Variants in NBAS observed in about 807,000 individuals in gnomAD.
NBAS encodes NAG/BC035112 fusion.
A neutral mutation model predicts 302.5 loss-of-function variants in NBAS; 219 were observed. The ratio of observed to expected loss-of-function variants is 0.72; its 90% CI spans 0.65 to 0.81. NBAS has a LOEUF of 0.81. NBAS is among the 30% of genes least tolerant of loss of function. The pLI, the probability that NBAS is intolerant of heterozygous loss-of-function variation, is 0.00. For synonymous variants in NBAS, 1,118 were observed against 1,021.6 expected (o/e 1.09, Z -1.80); for missense variants, 2,932 against 2,841.6 (o/e 1.03, Z -0.72).
At chr2:15,544,980 CAGCCTAGGTGAT>C (rs1324453566) in intron 6 of NBAS, among the ~76,000 whole-genome samples, 1 of 151,214 alleles carries the variant, frequency 6.6e-6, no homozygotes, top group East Asian at 1.9e-4. Context: ...CACTGCACTC[CAGCCTAGGTGAT>C]AGAGCAAGAC....
intron 44 of NBAS, among the ~76,000 whole-genome samples, chr2:15,274,548 T>C (rs1669481114): frequency 6.6e-6 from 1 of 151,848 alleles, no homozygotes. Flanking sequence ...AAAATGTCCA[T>C]TTGTTTAGCA....
chr2:15,501,176 C>T (rs918970075), intron 11 of NBAS, among the ~76,000 whole-genome samples: 13 of 151,696 alleles, frequency 8.6e-5, no homozygotes, highest in African/African-American at 2.9e-4. Flanking sequence ...TGGCGGGTGC[C>T]TGTAGTCCCA....
chr2:14,937,738 C>T, the NBAS span, among the ~76,000 whole-genome samples: 1 of 152,154 alleles, frequency 6.6e-6, no homozygotes, highest in Non-Finnish European at 1.5e-5. Flanking sequence ...GGCTCCGAGG[C>T]TTCTTGGAAA....
the NBAS span, among the ~76,000 whole-genome samples, chr2:15,156,033 A>G: frequency 6.6e-6 from 1 of 152,208 alleles, no homozygotes. Context: ...GGTGGGTTTC[A>G]TTCGGAATCT....
chr2:14,780,104 T>A, the NBAS span, among the ~76,000 whole-genome samples: 1 of 152,154 alleles, frequency 6.6e-6, no homozygotes. Flanking sequence ...TTTTTCATAC[T>A]CAGACTAGTG....
At chr2:15,196,799 G>A (rs1334197264) in intron 48 of NBAS, among the ~76,000 whole-genome samples, 1 of 151,850 alleles carries the variant, frequency 6.6e-6, no homozygotes, top group African/African-American at 2.4e-5. Context: ...GGTTTAACAT[G>A]CATTGTTTTC....
the NBAS span, among the ~76,000 whole-genome samples, chr2:15,038,461 G>A: frequency 2.0e-5 from 3 of 152,216 alleles, no homozygotes; most frequent in East Asian, 5.8e-4. Flanking sequence ...TATTAGATAA[G>A]AACCAAACAT....
chr2:15,554,039 A>G lies in NBAS; in HGVS notation c.287+22T>C, dbSNP rs573581006. On this transcript the variant is annotated intron_variant, in intron 4 of 51. Transcript: ENST00000281513. ...TAAAAGCTAATCCAGACAGAAAAAC[A>G]TTGAATTTCACACTTCCTTACCTTG... 208 of 1,385,784 alleles carry G rather than the reference A, an allele frequency of 1.5e-4. 1 individual carries two copies. The East Asian group carries it at 4.3e-3, about 29-fold the overall frequency. 85.8% of individuals were successfully genotyped at this position (1,385,784 alleles called of 1,614,324 possible).
At chr2:15,468,637 T>G in intron 16 of NBAS, 104 bp from the exon 17 acceptor site, 1 of 1,352,834 alleles carries the variant, frequency 7.4e-7, no homozygotes, top group Non-Finnish European at 1.0e-6. Flanking sequence ...GTATTACAGC[T>G]ATTTAGGACC....
chr2:15,421,669 AG>A (rs915071467), intron 23 of NBAS, among the ~76,000 whole-genome samples: 26 of 152,248 alleles, frequency 1.7e-4, no homozygotes, highest in Admixed American at 1.7e-3. Flanking sequence ...AATGAGAGAA[AG>A]AATACAAGCC....
At chr2:15,413,584 C>T (rs1676785124) in intron 25 of NBAS, among the ~76,000 whole-genome samples, 1 of 152,096 alleles carries the variant, frequency 6.6e-6, no homozygotes, top group South Asian at 2.1e-4. Flanking sequence ...CACGGAGGGC[C>T]ATGAGTGAAA....
At chr2:14,830,126 C>T in the NBAS span, among the ~76,000 whole-genome samples, 2 of 152,128 alleles carry the variant, frequency 1.3e-5, no homozygotes, top group African/African-American at 4.8e-5. Flanking sequence ...GCTGTGTCCC[C>T]TTGTCATTCA....
the NBAS span, among the ~76,000 whole-genome samples, chr2:15,080,487 G>A: frequency 6.6e-6 from 1 of 152,208 alleles, no homozygotes; most frequent in Admixed American, 6.5e-5. Flanking sequence ...GATTATTCTG[G>A]TTATCTATTA....
chr2:15,453,688 A>G (rs1278732652), intron 21 of NBAS, among the ~76,000 whole-genome samples: 1 of 152,230 alleles, frequency 6.6e-6, no homozygotes, highest in African/African-American at 2.4e-5. Context: ...AGCTTTTCAC[A>G]GTCAAACTTT....
the NBAS span, among the ~76,000 whole-genome samples, chr2:14,959,726 C>T: frequency 6.6e-6 from 1 of 152,164 alleles, no homozygotes; most frequent in Non-Finnish European, 1.5e-5. Flanking sequence ...TCCTGAAGTG[C>T]CTTTTCCCAT....
At chr2:15,524,220 C>T (rs1252661899) in intron 9 of NBAS, among the ~76,000 whole-genome samples, 2 of 152,172 alleles carry the variant, frequency 1.3e-5, no homozygotes, top group Non-Finnish European at 2.9e-5. Context: ...AGCCATCATG[C>T]TGCCCTATTC....
chr2:15,084,254 G>T, the NBAS span, among the ~76,000 whole-genome samples: 1 of 151,986 alleles, frequency 6.6e-6, no homozygotes. Context: ...TAGAGACAGG[G>T]TTTTTGCCAT....
chr2:15,343,889 T>C (rs1235532334), intron 35 of NBAS, among the ~76,000 whole-genome samples: 1 of 150,136 alleles, frequency 6.7e-6, no homozygotes, highest in Non-Finnish European at 1.5e-5. Context: ...ACATTTTTTG[T>C]ACCTCAAAAG....
intron 6 of NBAS, among the ~76,000 whole-genome samples, chr2:15,542,395 A>G (rs1336297275): frequency 1.8e-5 from 2 of 112,762 alleles, no homozygotes; most frequent in East Asian, 2.1e-4. Flanking sequence ...AGGGCGGTGC[A>G]AGATGTGCTT....
Sources: allele counts gnomAD v4.1 joint callset (sites outside exome capture counted in the v4.1 genomes callset), GRCh38; gene constraint gnomAD v4.1.1; transcripts MANE v1.5; gene names NCBI Gene and HGNC (gene_info 2026-07-23, HGNC 2026-07-21).